Variants in SDF4 observed in about 807,000 individuals in gnomAD.
SDF4 encodes the protein 45 kDa calcium-binding protein.
Under a neutral mutation model 34.2 loss-of-function variants are expected in SDF4, and 22 were observed. The observed-to-expected ratio is 0.64, with a 90% CI of 0.46 to 0.92. SDF4 has a LOEUF of 0.92. Among genes scored for constraint, SDF4 ranks in the 40% least tolerant of loss-of-function variants. The pLI is 0.00. For synonymous variants in SDF4, 236 were observed against 203.1 expected (o/e 1.16, Z -1.38); for missense variants, 447 against 499.9 (o/e 0.89, Z 1.01).
At chr1:1,221,512 G>T (rs771934060) in intron 4 of SDF4, among the ~76,000 whole-genome samples, 2 of 152,092 alleles carry the variant, frequency 1.3e-5, no homozygotes, top group African/African-American at 4.8e-5. Context: ...TGGCAGGAAC[G>T]TATCTTACAC....
intron 4 of SDF4, chr1:1,220,794 G>C: frequency 1.6e-6 from 2 of 1,278,168 alleles, no homozygotes; most frequent in Non-Finnish European, 2.0e-6. Context: ...GAGTTGGGGG[G>C]CGGGCACGGG....
At position 1,226,548 on chromosome 1, in the gene SDF4, G is replaced by A. The variant is rs913377227; in HGVS notation, c.305+1920C>T. Among the ~76,000 whole-genome samples, 4 of 152,246 alleles carry A rather than the reference G, an allele frequency of 2.6e-5. No homozygotes were observed. In the South Asian group the frequency reaches 6.2e-4, roughly 24 times the overall value. On this transcript the variant is annotated intron_variant, in intron 2 of 6. Transcript: ENST00000360001. ...CAGCCCAGAGGAGACAGAGGAGACA[G>A]GACAGCTGAGTGAACGTGGGTCCTG...
intron 3 of SDF4, 148 bp downstream of exon 3, chr1:1,223,684 C>T: frequency 2.6e-6 from 2 of 763,814 alleles, no homozygotes; most frequent in Non-Finnish European, 4.2e-6. Context: ...AGCTTCCGTG[C>T]ACCCCACCAC....
intron 1 of SDF4, among the ~76,000 whole-genome samples, chr1:1,229,217 G>GAGC (rs558349550): frequency 9.9e-5 from 15 of 152,204 alleles, no homozygotes; most frequent in Non-Finnish European, 2.2e-4. Flanking sequence ...TAGAAACAGG[G>GAGC]TCTTGCTCTG....
chr1:1,227,892 G>A (rs1200611967), intron 2 of SDF4, among the ~76,000 whole-genome samples: 1 of 152,190 alleles, frequency 6.6e-6, no homozygotes, highest in Non-Finnish European at 1.5e-5. Context: ...TGACGGCCAA[G>A]GATGGGCCAC....
At position 1,228,411 on chromosome 1, in the gene SDF4, A is replaced by G. The variant is rs1247692551; in HGVS notation, c.305+57T>C. 5 of 1,512,220 alleles carry G rather than the reference A, an allele frequency of 3.3e-6. No individual in the cohort carries two copies. The East Asian group carries it at 9.7e-5, about 29-fold the overall frequency. The allele number at this position is 1,512,220 out of a possible 1,614,324, so 93.7% of individuals were successfully genotyped here. The stretch of plus-strand genomic sequence containing the variant: ...CCCACCGCGCAAAGCCAGGATAGGA[A>G]CACACAGGCGAGCGCACGCGGACAG... On this transcript the variant is annotated intron_variant, in intron 2 of 6. Transcript: ENST00000360001.
intron 2 of SDF4, among the ~76,000 whole-genome samples, chr1:1,226,892 C>T (rs3766189): frequency 0.1 from 15,718 of 152,286 alleles, 904 homozygotes; most frequent in East Asian, 0.17. Flanking sequence ...TGCCGCGAGC[C>T]AGGCCTTCGT....
intron 1 of SDF4, among the ~76,000 whole-genome samples, 186 bp downstream of exon 1, chr1:1,231,706 C>T (rs932722884): frequency 1.4e-4 from 21 of 148,640 alleles, no homozygotes; most frequent in Admixed American, 1.1e-3. Flanking sequence ...TCGGCCTGTC[C>T]CTGCCCCCGG....
At position 1,218,349 on chromosome 1, in the gene SDF4, T is replaced by C; in HGVS notation, c.891+109A>G. The C allele has an allele frequency of 8.1e-7, 1 of 1,239,770 alleles. No individual in the cohort carries two copies. The highest frequency in any genetic ancestry group is 1.4e-5 in the South Asian group (1 of 69,192). The allele number at this position is 1,239,770 out of a possible 1,614,324, so 76.8% of individuals were successfully genotyped here. On this transcript the variant is annotated intron_variant, in intron 6 of 6. Transcript: ENST00000360001. This position sits in a 1 kb window ranked among gnomAD's most constrained non-coding sequence, Gnocchi z 7.9. ...CCCAGTGACCAGCCCAGATGGAGTC[T>C]CAGGCCAGACACCAGCACAGCTTCC...
At position 1,218,005 on chromosome 1, in the gene SDF4, A is replaced by G. The variant is rs1374993398; in HGVS notation, c.892-317T>C. On this transcript the variant is annotated intron_variant, in intron 6 of 6. Coordinates refer to ENST00000360001, the MANE Select transcript of SDF4 (RefSeq NM_016176.6). This position sits in a 1 kb window ranked among gnomAD's most constrained non-coding sequence, Gnocchi z 7.9. Reference sequence around the variant, plus strand: ...GAATCACAGGATTCTACATAAAAACAAGATGACTCACTCAGCAGTGGGAGA... The same window carrying G: ...GAATCACAGGATTCTACATAAAAACGAGATGACTCACTCAGCAGTGGGAGA... Among the ~76,000 whole-genome samples the G allele has an allele frequency of 1.3e-5, 2 of 152,218 alleles. No homozygotes were observed. Among genetic ancestry groups the G allele is most frequent in the Non-Finnish European group, 1.5e-5 (1 of 68,018 alleles).
intron 2 of SDF4, among the ~76,000 whole-genome samples, chr1:1,228,035 G>C (rs1310054789): frequency 6.6e-6 from 1 of 152,208 alleles, no homozygotes; most frequent in Non-Finnish European, 1.5e-5. Flanking sequence ...GTCAGGAGGA[G>C]CCCAGAGCAC....
Position 1,228,584 on chromosome 1 carries a change from G to A in SDF4, c.189C>T (p.Asp63=), listed in dbSNP as rs78548753. The change falls in exon 2 of 7, where the codon GAC becomes GAT. Residue 63 remains aspartate (D), a synonymous_variant. Coordinates refer to ENST00000360001, the MANE Select transcript of SDF4 (RefSeq NM_016176.6). The part of the protein sequence containing the change: ...DHLNGVKLEM[D]GHLNRGFHQE... ...GGTGGAAGCCGCGATTGAGGTGCCC[G>A]TCCATCTCCAGCTTCACCCCGTTCA... 46,063 of 1,613,170 alleles carry A rather than the reference G, an allele frequency of 0.029. 783 individuals carry two copies. The highest frequency in any genetic ancestry group is 0.049 in the South Asian group (4,480 of 91,090).
chr1:1,219,995 C>T, intron 4 of SDF4: 1 of 985,718 alleles, frequency 1.0e-6, no homozygotes, highest in Non-Finnish European at 1.2e-6. Context: ...TCCTGGGGCA[C>T]CCCTCCCTGT....
At chr1:1,226,867 A>G (rs1570488012) in intron 2 of SDF4, among the ~76,000 whole-genome samples, 1 of 152,032 alleles carries the variant, frequency 6.6e-6, no homozygotes. Flanking sequence ...AGGGACGGGG[A>G]CCCTTCCCCT....
chr1:1,225,983 C>T (rs555834204), intron 2 of SDF4, among the ~76,000 whole-genome samples: 9 of 152,332 alleles, frequency 5.9e-5, no homozygotes, highest in East Asian at 5.8e-4. Flanking sequence ...CCGGTACCCA[C>T]GTGTACACAG....
In SDF4 at chr1:1,218,405, C is replaced by T. The variant is rs562471368; in HGVS notation, c.891+53G>A. 8.9e-6 allele frequency: 14 copies of T among 1,571,890 alleles called. No homozygotes were observed. Among genetic ancestry groups the T allele is most frequent in the East Asian group, 6.7e-5 (3 of 44,584 alleles). ...CAGGCCCAGATCCACCAGCCCCTCC[C>T]GCCACAGCACCTCGCAGGGCCGGCT... On this transcript the variant is annotated intron_variant, in intron 6 of 6. Transcript: ENST00000360001. The surrounding 1 kb of genome is among the most constrained non-coding windows in gnomAD (Gnocchi z 7.9).
At chr1:1,227,686 C>G (rs912527638) in intron 2 of SDF4, among the ~76,000 whole-genome samples, 5 of 152,210 alleles carry the variant, frequency 3.3e-5, no homozygotes, top group Admixed American at 2.6e-4. Context: ...GGCCACACCG[C>G]AGGGCACCCC....
intron 2 of SDF4, among the ~76,000 whole-genome samples, chr1:1,227,929 G>A (rs1638364580): frequency 6.6e-6 from 1 of 152,176 alleles, no homozygotes; most frequent in African/African-American, 2.4e-5. Context: ...CTCCCGACCA[G>A]GCCAGCAAAA....
rs1649699292 is a variant in SDF4, at chr1:1,218,767, A to AC, written c.715+1dup. The AC allele has an allele frequency of 6.2e-7, 1 of 1,612,100 alleles. No homozygotes were observed. Among genetic ancestry groups the AC allele is most frequent in the African/African-American group, 1.3e-5 (1 of 74,848 alleles). ...TGCCGGCCAGGCTGGACCCAGCCTC[A>AC]CCCAGGTCCCGGACGATCTCCTTCA... On this transcript the variant is annotated splice_donor_variant, in intron 5 of 6. Transcript: ENST00000360001. LOFTEE classifies it high-confidence loss of function. This position sits in a 1 kb window ranked among gnomAD's most constrained non-coding sequence, Gnocchi z 7.9.
Sources: gnomAD v4.1 joint callset for allele counts (sites outside exome capture counted in the v4.1 genomes callset) on GRCh38, gnomAD v4.1.1 for gene constraint, Gnocchi (gnomAD v3.1) non-coding constraint, MANE v1.5 for transcripts, NCBI Gene and HGNC (gene_info 2026-07-23, HGNC 2026-07-21) for gene names.